The following POLR1D variants were observed in gnomAD, a reference collection of about 807,000 sequenced individuals.
POLR1D encodes the protein DNA-directed RNA polymerases I and III subunit RPAC2.
In POLR1D, 8 loss-of-function variants were observed where a neutral mutation model predicts 10.8. That is an observed-to-expected ratio of 0.74 (90% CI 0.43 to 1.33). POLR1D has a LOEUF of 1.33. Among genes scored for constraint, POLR1D ranks in the 40% most tolerant of loss-of-function variants. The pLI is 0.01. For missense variants in POLR1D, 152 were observed against 161.7 expected, an observed-to-expected ratio of 0.94 and a Z score of 0.32; for synonymous variants, 54 against 57.2, an observed-to-expected ratio of 0.94 and a Z score of 0.25.
At chr13:27,653,416 G>A (rs1434259509) in intron 2 of POLR1D, among the ~76,000 whole-genome samples, 2 of 152,156 alleles carry the variant, frequency 1.3e-5, no homozygotes, top group Non-Finnish European at 2.9e-5. Flanking sequence ...TGAAAAGGGA[G>A]TAAATAAAAG....
exon 3 of POLR1D, chr13:27,666,067 T>G: frequency 1.0e-6 from 1 of 953,370 alleles, no homozygotes; most frequent in Non-Finnish European, 1.6e-6. Flanking sequence ...TGACATTAGG[T>G]CCTTTGTTGT....
At chr13:27,659,935 T>TACAC (rs1375539304) in intron 2 of POLR1D, among the ~76,000 whole-genome samples, 1 of 141,734 alleles carries the variant, frequency 7.1e-6, no homozygotes, top group Admixed American at 6.9e-5. Flanking sequence ...TACACACACA[T>TACAC]ACACACACAC....
chr13:27,641,799 G>A (rs1220060034), intron 1 of POLR1D, among the ~76,000 whole-genome samples: 1 of 152,174 alleles, frequency 6.6e-6, no homozygotes, highest in African/African-American at 2.4e-5. Flanking sequence ...TGGTGTAAAG[G>A]TTGTGAGTGG....
At chr13:27,622,484 G>C in intron 1 of POLR1D, 1 of 305,202 alleles carries the variant, frequency 3.3e-6, no homozygotes. Context: ...TTGATCATCT[G>C]TATCCTCTAT....
At chr13:27,621,866 G>C, upstream of POLR1D, 12 of 1,092,252 alleles carry the variant, frequency 1.1e-5, no homozygotes, top group Non-Finnish European at 1.6e-5. Flanking sequence ...CCCTCCTTCC[G>C]TCCTCCGCGC....
chr13:27,621,880 C>G (rs910199500), upstream of POLR1D: 18 of 1,246,050 alleles, frequency 1.4e-5, 1 homozygote, highest in Non-Finnish European at 2.1e-5. Flanking sequence ...TCCGCGCCTT[C>G]CGTCGGTCGG....
At position 27,623,302 on chromosome 13, in the gene POLR1D, A is replaced by G; in HGVS notation, c.*52A>G. 3 of 1,610,220 alleles carry G rather than the reference A, an allele frequency of 1.9e-6. No individual in the cohort carries two copies. Among genetic ancestry groups the G allele is most frequent in the Non-Finnish European group, 2.5e-6 (3 of 1,178,976 alleles). ...TGTCCTGTAGGATATTCTCTTCCTGATGGTGCAGAACCCAGAATTAGAAGT... is the reference window on the plus strand; with the variant it reads ...TGTCCTGTAGGATATTCTCTTCCTGGTGGTGCAGAACCCAGAATTAGAAGT... On this transcript the variant is annotated 3_prime_UTR_variant, in exon 2 of 2. Coordinates refer to ENST00000302979, the MANE Select transcript of POLR1D (RefSeq NM_015972.4).
chr13:27,623,893 A>G (rs988652165), downstream of POLR1D, among the ~76,000 whole-genome samples: 2 of 152,176 alleles, frequency 1.3e-5, no homozygotes, highest in African/African-American at 2.4e-5. Flanking sequence ...ATTTTGGGAT[A>G]TACTTAGTCA....
chr13:27,628,095 A>G (rs557066779), downstream of POLR1D, among the ~76,000 whole-genome samples: 23 of 152,252 alleles, frequency 1.5e-4, no homozygotes, highest in East Asian at 4.0e-3. Context: ...AGTGGGTGCA[A>G]CCACCCTTAC....
Position 27,660,338 on chromosome 13 carries a change from C to T in POLR1D, c.102-5348C>T, listed in dbSNP as rs576889146. 3.9e-5 allele frequency among the ~76,000 whole-genome samples: 6 copies of T among 152,250 alleles called. No homozygotes were observed. The South Asian group carries it at 6.2e-4, about 16-fold the overall frequency. On this transcript the variant is annotated intron_variant, in intron 2 of 2. Coordinates refer to the POLR1D transcript ENST00000399697. ...CTACATCCATGAGAGTGCAAAGACACGTACAGAATGGAAGATACGCTATTT... is the reference window on the plus strand; with the variant it reads ...CTACATCCATGAGAGTGCAAAGACATGTACAGAATGGAAGATACGCTATTT...
At chr13:27,631,568 C>A (rs943537843) in intron 1 of POLR1D, among the ~76,000 whole-genome samples, 1 of 152,182 alleles carries the variant, frequency 6.6e-6, no homozygotes. Context: ...CACATACAAA[C>A]CTCCATCACT....
chr13:27,633,102 A>C (rs951721960), intron 1 of POLR1D, among the ~76,000 whole-genome samples: 1 of 152,178 alleles, frequency 6.6e-6, no homozygotes, highest in African/African-American at 2.4e-5. Context: ...ATTTAGGCAA[A>C]GGGTGACCAG....
chr13:27,640,183 CTG>C (rs1306205162), intron 1 of POLR1D, among the ~76,000 whole-genome samples: 6 of 152,092 alleles, frequency 3.9e-5, no homozygotes, highest in African/African-American at 2.4e-5. Flanking sequence ...CATATTATAA[CTG>C]TATTCAAAGG....
At chr13:27,627,747 T>TTTTTTTTTTTTTTC (rs1566142755), downstream of POLR1D, among the ~76,000 whole-genome samples, 2 of 135,100 alleles carry the variant, frequency 1.5e-5, no homozygotes. Flanking sequence ...TTTTTTTTTT[T>TTTTTTTTTTTTTTC]TTTGTCCCAT....
At chr13:27,637,175 G>A (rs1036572592) in intron 1 of POLR1D, among the ~76,000 whole-genome samples, 1 of 152,078 alleles carries the variant, frequency 6.6e-6, no homozygotes, top group Non-Finnish European at 1.5e-5. Context: ...TGTGTTGTTG[G>A]TATGATATGT....
intron 1 of POLR1D, chr13:27,622,534 CCT>C (rs1383953466): frequency 3.1e-6 from 1 of 319,982 alleles, no homozygotes; most frequent in East Asian, 7.3e-5. Context: ...GCCTTTCAAC[CCT>C]CTCTTCATCC....
rs1010350773 is a variant in POLR1D at position 27,622,834 on chromosome 13, T to C, written c.27-41T>C. On this transcript the variant is annotated intron_variant, in intron 1 of 1. Coordinates refer to ENST00000302979, the MANE Select transcript of POLR1D (RefSeq NM_015972.4). ...TGAGAAAAAGCTAGTTACAAAACAA[T>C]ATTCAGTATGATCTCATTTTTATAA... 11 of 1,318,222 alleles carry C rather than the reference T, an allele frequency of 8.3e-6. No individual in the cohort carries two copies. In the African/African-American group the frequency reaches 1.3e-4, roughly 16 times the overall value. 81.7% of individuals were successfully genotyped at this position (1,318,222 alleles called of 1,614,324 possible). A position where few individuals can be genotyped will look rare whatever the true frequency, so the allele number is the denominator to read the frequency against.
At chr13:27,659,061 G>A (rs1956333446) in intron 2 of POLR1D, among the ~76,000 whole-genome samples, 1 of 152,114 alleles carries the variant, frequency 6.6e-6, no homozygotes, top group Non-Finnish European at 1.5e-5. Context: ...TGGATTGAGA[G>A]TCAATCTAGA....
intron 1 of POLR1D, among the ~76,000 whole-genome samples, chr13:27,629,016 G>T (rs1956046826): frequency 6.6e-6 from 1 of 152,138 alleles, no homozygotes; most frequent in Non-Finnish European, 1.5e-5. Context: ...TGTGGAGACA[G>T]TCTCACTATG....
Sources: gnomAD v4.1 joint callset for allele counts (sites outside exome capture counted in the v4.1 genomes callset) on GRCh38, gnomAD v4.1.1 for gene constraint, MANE v1.5 for transcripts, NCBI Gene and HGNC (gene_info 2026-07-23, HGNC 2026-07-21) for gene names.